BTD: variants seen among roughly 807,000 people sequenced by gnomAD.
BTD encodes the protein biotinidase, also known as biocytinase.
Under a neutral mutation model 17.7 loss-of-function variants are expected in BTD, and 13 were observed. That is an observed-to-expected ratio of 0.74 (90% CI 0.48 to 1.17). The LOEUF (loss-of-function observed/expected upper bound fraction) is 1.17. Among genes scored for constraint, BTD ranks in the 50% most tolerant of loss-of-function variants. BTD has a pLI of 0.00. For synonymous variants in BTD, 240 were observed against 245.2 expected (o/e 0.98, Z 0.20); for missense variants, 674 against 650.4 (o/e 1.04, Z -0.39).
rs2065325856 is a variant in BTD at position 15,635,595 on chromosome 3, C to CT, written c.156_157insT (p.Pro53SerfsTer19). On this transcript the variant is annotated frameshift_variant, in exon 2 of 4. Transcript: ENST00000643237. LOFTEE classifies it high-confidence loss of function. This position sits in a 1 kb window ranked among gnomAD's most constrained non-coding sequence, Gnocchi z 4.1. Reference sequence around the variant, plus strand: ...AGCATCCATCCATCCTGAGTCTGAACCCTCTGGCTCTCATCAGCCGCCAAG... The same window carrying CT: ...AGCATCCATCCATCCTGAGTCTGAACTCCTCTGGCTCTCATCAGCCGCCAAG... The CT allele has an allele frequency of 6.2e-7, 1 of 1,614,180 alleles. No homozygotes were observed. Among genetic ancestry groups the CT allele is most frequent in the East Asian group, 2.2e-5 (1 of 44,870 alleles).
chr3:15,707,071 G>T (rs76894862), intron 3 of BTD, among the ~76,000 whole-genome samples: 2 of 152,058 alleles, frequency 1.3e-5, no homozygotes, highest in African/African-American at 4.8e-5. Flanking sequence ...TTTTGAGGGC[G>T]AAAAGTAAAT....
intron 4 of BTD, among the ~76,000 whole-genome samples, chr3:15,721,552 G>T (rs1186354239): frequency 6.6e-6 from 1 of 152,032 alleles, no homozygotes; most frequent in Non-Finnish European, 1.5e-5. Flanking sequence ...TCATTTTGCA[G>T]TGACAAAGGC....
chr3:15,602,278 TG>T, intron 1 of BTD: 9 of 1,214,018 alleles, frequency 7.4e-6, no homozygotes, highest in Non-Finnish European at 8.3e-6. Flanking sequence ...ATTCAGCCAT[TG>T]GGTCACAAGC....
At chr3:15,699,140 A>T (rs2070154080) in intron 3 of BTD, among the ~76,000 whole-genome samples, 1 of 152,198 alleles carries the variant, frequency 6.6e-6, no homozygotes, top group Admixed American at 6.5e-5. Context: ...AGCAATGGGG[A>T]AAGGATTTCT....
chr3:15,625,879 A>T (rs967553025), intron 1 of BTD, among the ~76,000 whole-genome samples: 1 of 152,200 alleles, frequency 6.6e-6, no homozygotes, highest in South Asian at 2.1e-4. Context: ...TATTTTGCAT[A>T]TAAGTTCAAA....
intron 1 of BTD, 190 bp downstream of exon 1, chr3:15,602,084 C>T (rs2064276296): frequency 2.1e-6 from 3 of 1,438,826 alleles, no homozygotes; most frequent in African/African-American, 1.4e-5. Flanking sequence ...GTTTTCTAGG[C>T]ATTTACTTAC....
chr3:15,670,681 C>G, intron 3 of BTD: 1 of 996,172 alleles, frequency 1.0e-6, no homozygotes, highest in Non-Finnish European at 1.4e-6. Context: ...TAATAAATTG[C>G]TGTAACCAGC....
At chr3:15,613,926 C>T (rs1005428873) in intron 1 of BTD, among the ~76,000 whole-genome samples, 20 of 152,032 alleles carry the variant, frequency 1.3e-4, no homozygotes, top group African/African-American at 4.8e-4. Flanking sequence ...TCTCTCTTCC[C>T]TCTGGTTGCG....
At chr3:15,631,486 A>G in intron 1 of BTD, 1 of 1,534,748 alleles carries the variant, frequency 6.5e-7, no homozygotes. Context: ...AAGATGAATC[A>G]TTTAGCAAGG....
chr3:15,664,685 G>C (rs976932069), intron 3 of BTD, among the ~76,000 whole-genome samples: 2 of 151,876 alleles, frequency 1.3e-5, no homozygotes, highest in African/African-American at 4.8e-5. Context: ...GACCATTTGG[G>C]CTTTAAAGAT....
chr3:15,621,336 G>C (rs1472045322), intron 1 of BTD, among the ~76,000 whole-genome samples: 1 of 152,098 alleles, frequency 6.6e-6, no homozygotes, highest in African/African-American at 2.4e-5. Flanking sequence ...TTCAGTATTG[G>C]GGTAATGCTG....
chr3:15,638,201 C>G (rs2065403794), intron 2 of BTD, among the ~76,000 whole-genome samples: 1 of 152,114 alleles, frequency 6.6e-6, no homozygotes, highest in South Asian at 2.1e-4. Flanking sequence ...GGTGTAAATG[C>G]AAACCACTTT....
At chr3:15,622,496 T>C (rs60564617) in intron 1 of BTD, among the ~76,000 whole-genome samples, 6,553 of 152,286 alleles carry the variant, frequency 0.043, 401 homozygotes, top group African/African-American at 0.14. Flanking sequence ...AAATGTTCCA[T>C]GTGAGCTTGA....
chr3:15,648,090 C>T lies in BTD; in HGVS notation c.*2602C>T, dbSNP rs1302536587. On this transcript the variant is annotated 3_prime_UTR_variant, in exon 4 of 4. Transcript: ENST00000643237. ...TATTGAACCAGGAGGAGGCACCCAG[C>T]CCAAGGCCAGCCAATCAGAGCACTG... 1.3e-5 allele frequency among the ~76,000 whole-genome samples: 2 copies of T among 152,146 alleles called. No individual in the cohort carries two copies. The highest frequency in any genetic ancestry group is 2.9e-5 in the Non-Finnish European group (2 of 68,024).
chr3:15,616,675 T>C (rs943803122), intron 1 of BTD, among the ~76,000 whole-genome samples: 1 of 151,988 alleles, frequency 6.6e-6, no homozygotes, highest in Non-Finnish European at 1.5e-5. Context: ...GTCTTGTCAG[T>C]GTTTTGGATT....
chr3:15,699,084 C>G (rs1052665574), intron 3 of BTD, among the ~76,000 whole-genome samples: 5 of 152,098 alleles, frequency 3.3e-5, no homozygotes, highest in Non-Finnish European at 7.4e-5. Flanking sequence ...AGAAATAACA[C>G]CACACATCTA....
intron 3 of BTD, chr3:15,686,324 T>G (rs1283098036): frequency 3.3e-6 from 5 of 1,534,960 alleles, no homozygotes; most frequent in Non-Finnish European, 4.4e-6. Flanking sequence ...AAAGTGAAAT[T>G]TAAACATTTC....
At chr3:15,676,186 G>A (rs2246960) in intron 3 of BTD, 211,224 of 403,640 alleles carry the variant, frequency 0.52, 60,057 homozygotes, top group Non-Finnish European at 0.6. Context: ...CCTTGTCAAC[G>A]TGTAGCTCGG....
chr3:15,603,494 A>G (rs1043775687), intron 1 of BTD, among the ~76,000 whole-genome samples: 25 of 152,042 alleles, frequency 1.6e-4, no homozygotes, highest in Admixed American at 6.6e-4. Flanking sequence ...TATCTCTACT[A>G]AAAATACAAA....
Sources: allele counts gnomAD v4.1 joint callset (sites outside exome capture counted in the v4.1 genomes callset), GRCh38; gene constraint gnomAD v4.1.1; non-coding constraint Gnocchi (gnomAD v3.1); transcripts MANE v1.5; gene names NCBI Gene and HGNC (gene_info 2026-07-23, HGNC 2026-07-21).